TANC1: variants seen among roughly 807,000 people sequenced by gnomAD.
The protein encoded by TANC1 is protein TANC1.
In TANC1, 77 loss-of-function variants were observed where a neutral mutation model predicts 149.7. That is an observed-to-expected ratio of 0.51 (90% CI 0.43 to 0.62). The LOEUF (loss-of-function observed/expected upper bound fraction) is 0.62. Among genes scored for constraint, TANC1 ranks in the 20% least tolerant of loss-of-function variants. TANC1 has a pLI of 0.00. For missense variants in TANC1, 1,985 were observed against 2,321.8 expected (o/e 0.85, Z 2.98); for synonymous variants, 854 against 925.0 (o/e 0.92, Z 1.39).
intron 13 of TANC1, 21 bp downstream of exon 13, chr2:159,176,539 C>A (rs372284683): frequency 1.9e-6 from 3 of 1,572,942 alleles, no homozygotes; most frequent in Non-Finnish European, 2.6e-6. Context: ...ATTCTCAAAT[C>A]TTTCTCCAAG....
chr2:159,051,651 TTGTGTGTG>T (rs58015346), intron 2 of TANC1, among the ~76,000 whole-genome samples: 4,622 of 142,928 alleles, frequency 0.032, 315 homozygotes, highest in East Asian at 0.32. Context: ...GAAGTGGTGT[TTGTGTGTG>T]TGTGTGTGTG....
At chr2:158,987,998 G>T (rs549471770) in intron 1 of TANC1, among the ~76,000 whole-genome samples, 1 of 152,128 alleles carries the variant, frequency 6.6e-6, no homozygotes, top group Admixed American at 6.6e-5. Flanking sequence ...ACAGTTGGAG[G>T]GGATTTTTGT....
intron 4 of TANC1, among the ~76,000 whole-genome samples, chr2:159,107,908 G>C (rs2047346756): frequency 6.6e-6 from 1 of 152,178 alleles, no homozygotes; most frequent in Admixed American, 6.5e-5. Flanking sequence ...GACATTCTCT[G>C]TAAGGACTGC....
rs532273960 is a variant in TANC1, at chr2:159,144,586, C to T, written c.365-4556C>T. Among the ~76,000 whole-genome samples, 153 of 152,280 alleles carry T rather than the reference C, an allele frequency of 1.0e-3. 1 individual carries two copies. The highest frequency in any genetic ancestry group is 3.6e-3 in the African/African-American group (148 of 41,566). On this transcript the variant is annotated intron_variant, in intron 5 of 26. Transcript: ENST00000263635. ...AGAGACAGGGTTTCACCATGTTGGC[C>T]AGGCTGCTCTCGAACTCCTGATCCA...
intron 3 of TANC1, among the ~76,000 whole-genome samples, chr2:159,095,393 C>T (rs1386398108): frequency 6.6e-6 from 1 of 152,060 alleles, no homozygotes; most frequent in Non-Finnish European, 1.5e-5. Context: ...GCTGACATGC[C>T]CATTGTGGGG....
At chr2:159,048,785 CA>C (rs1445387303) in intron 2 of TANC1, among the ~76,000 whole-genome samples, 1 of 152,008 alleles carries the variant, frequency 6.6e-6, no homozygotes, top group African/African-American at 2.4e-5. Flanking sequence ...GGCGGGTGAA[CA>C]AAAGCAGAGT....
At position 159,095,671 on chromosome 2, in the gene TANC1, C is replaced by T. The variant is rs7589641; in HGVS notation, c.62-1966C>T. 1.9e-3 allele frequency among the ~76,000 whole-genome samples: 261 copies of T among 139,532 alleles called. 1 individual carries two copies. The highest frequency in any genetic ancestry group is 3.1e-3 in the Non-Finnish European group (206 of 66,520). 91.5% of individuals were successfully genotyped at this position (139,532 alleles called of 152,430 possible). On this transcript the variant is annotated intron_variant, in intron 3 of 26. Coordinates refer to ENST00000263635, the MANE Select transcript of TANC1 (RefSeq NM_033394.3). Reference sequence around the variant, plus strand: ...GAATCGCTTGAACCCAGGAGGTGGACGTTGCAGTGAGTCGAGATCGTGCCA... The same window carrying T: ...GAATCGCTTGAACCCAGGAGGTGGATGTTGCAGTGAGTCGAGATCGTGCCA...
chr2:159,011,954 G>A (rs1198530084), intron 2 of TANC1, among the ~76,000 whole-genome samples: 2 of 152,032 alleles, frequency 1.3e-5, no homozygotes, highest in Non-Finnish European at 2.9e-5. Context: ...GGAAGGGCTG[G>A]GACCCATCCC....
chr2:159,112,678 C>T (rs2047865872), intron 4 of TANC1, among the ~76,000 whole-genome samples: 1 of 151,516 alleles, frequency 6.6e-6, no homozygotes, highest in South Asian at 2.1e-4. Flanking sequence ...TGGGTGTAAG[C>T]AGTCCTCCCA....
In TANC1 at chr2:159,211,918, G is replaced by C. The variant is rs138722705; in HGVS notation, c.3245-5579G>C. Among the ~76,000 whole-genome samples the C allele has an allele frequency of 9.3e-4, 142 of 152,344 alleles. 1 individual carries two copies. Among genetic ancestry groups the C allele is most frequent in the African/African-American group, 3.3e-3 (139 of 41,588 alleles). On this transcript the variant is annotated intron_variant, in intron 19 of 26. Coordinates refer to ENST00000263635, the MANE Select transcript of TANC1 (RefSeq NM_033394.3). Reference sequence around the variant, plus strand: ...TAGCAAGGGTTGTGAAGGAAAAGGAGGACAGGGTCCAACCCAGTTGCCATG... The same window carrying C: ...TAGCAAGGGTTGTGAAGGAAAAGGACGACAGGGTCCAACCCAGTTGCCATG...
At chr2:159,052,207 T>C (rs2041528271) in intron 2 of TANC1, among the ~76,000 whole-genome samples, 1 of 151,596 alleles carries the variant, frequency 6.6e-6, no homozygotes, top group Non-Finnish European at 1.5e-5. Context: ...GTCTCAAATA[T>C]GAAATGTGGC....
chr2:159,111,771 C>T (rs2047752027), intron 4 of TANC1, among the ~76,000 whole-genome samples: 1 of 152,148 alleles, frequency 6.6e-6, no homozygotes, highest in Non-Finnish European at 1.5e-5. Flanking sequence ...ACCATGATGC[C>T]AGATGGAGGC....
chr2:159,220,398 C>G (rs2059629680), intron 22 of TANC1, among the ~76,000 whole-genome samples: 1 of 145,504 alleles, frequency 6.9e-6, no homozygotes, highest in Non-Finnish European at 1.5e-5. Context: ...ACTTCCGCCT[C>G]CTGGGTTCAA....
chr2:159,143,551 C>A (rs2051686927), intron 5 of TANC1, among the ~76,000 whole-genome samples: 1 of 67,300 alleles, frequency 1.5e-5, no homozygotes, highest in Non-Finnish European at 2.5e-5. Context: ...GACCCCATCT[C>A]AAAAAAAAAA....
At chr2:158,990,605 G>A (rs2035516262) in intron 1 of TANC1, among the ~76,000 whole-genome samples, 1 of 152,174 alleles carries the variant, frequency 6.6e-6, no homozygotes, top group Admixed American at 6.5e-5. Flanking sequence ...AGCAAGGTGG[G>A]ATGGGTTGTA....
intron 19 of TANC1, among the ~76,000 whole-genome samples, chr2:159,215,979 G>A (rs1352444286): frequency 1.3e-5 from 2 of 152,156 alleles, no homozygotes; most frequent in Non-Finnish European, 2.9e-5. Context: ...TGTGTTTCTG[G>A]TACACCTTGA....
At chr2:159,167,353 G>A (rs899128932) in intron 8 of TANC1, among the ~76,000 whole-genome samples, 2 of 152,184 alleles carry the variant, frequency 1.3e-5, no homozygotes, top group African/African-American at 4.8e-5. Flanking sequence ...TCCAAGCTGT[G>A]TTACTGTAGG....
intron 14 of TANC1, among the ~76,000 whole-genome samples, chr2:159,180,275 A>G (rs1194968996): frequency 6.6e-6 from 1 of 152,234 alleles, no homozygotes; most frequent in East Asian, 1.9e-4. Flanking sequence ...GCTAGGTGAA[A>G]CATGTGCTGT....
chr2:159,185,504 A>G (rs1262822220), intron 14 of TANC1, among the ~76,000 whole-genome samples: 2 of 151,990 alleles, frequency 1.3e-5, no homozygotes, highest in Admixed American at 6.6e-5. Context: ...TCCTTTGTCT[A>G]CCCCTAGTGG....
Sources: gnomAD v4.1 joint callset for allele counts (sites outside exome capture counted in the v4.1 genomes callset) on GRCh38, gnomAD v4.1.1 for gene constraint, MANE v1.5 for transcripts, NCBI Gene and HGNC (gene_info 2026-07-23, HGNC 2026-07-21) for gene names.